Variants in PDE8B observed in about 807,000 individuals in gnomAD.
PDE8B encodes the protein high affinity cAMP-specific and IBMX-insensitive 3',5'-cyclic phosphodiesterase 8B.
Under a neutral mutation model 101.3 loss-of-function variants are expected in PDE8B, and 26 were observed. The observed-to-expected ratio is 0.26, with a 90% CI of 0.19 to 0.36. The LOEUF is 0.36. Ranked by LOEUF, PDE8B falls within the 10% of genes least tolerant of loss-of-function variation. PDE8B has a pLI of 1.00. For missense variants in PDE8B, 810 were observed against 1,163.1 expected, an observed-to-expected ratio of 0.70 and a Z score of 4.42; for synonymous variants, 424 against 429.3, an observed-to-expected ratio of 0.99 and a Z score of 0.15.
chr5:77,413,087 A>G (rs1233155110), intron 16 of PDE8B, 24 bp from the exon 17 acceptor site: 2 of 1,599,158 alleles, frequency 1.3e-6, no homozygotes, highest in African/African-American at 1.3e-5. Flanking sequence ...ACAATGAGCC[A>G]GGGTGGGTTT....
intron 1 of PDE8B, among the ~76,000 whole-genome samples, chr5:77,234,093 C>A (rs1187627055): frequency 6.6e-6 from 1 of 152,154 alleles, no homozygotes; most frequent in Non-Finnish European, 1.5e-5. Flanking sequence ...AGGAGGATTC[C>A]ATCTGGCAGC....
At chr5:77,345,822 G>T (rs1780047580) in intron 7 of PDE8B, among the ~76,000 whole-genome samples, 1 of 152,186 alleles carries the variant, frequency 6.6e-6, no homozygotes, top group Non-Finnish European at 1.5e-5. Context: ...TATCAGTAGG[G>T]CACCAAAGAC....
intron 12 of PDE8B, 113 bp from the exon 13 acceptor site, chr5:77,407,268 G>A (rs1327975629): frequency 3.7e-6 from 3 of 805,700 alleles, no homozygotes; most frequent in East Asian, 2.5e-5. Flanking sequence ...GGCTTTTTAG[G>A]TGGGAGGGTG....
At chr5:77,197,193 A>C in the PDE8B span, among the ~76,000 whole-genome samples, 1 of 148,524 alleles carries the variant, frequency 6.7e-6, no homozygotes, top group East Asian at 2.0e-4. Flanking sequence ...GCTCACTTCA[A>C]CTTTCATCTC....
chr5:77,112,939 C>G, the PDE8B span: 2 of 152,112 alleles, frequency 1.3e-5, no homozygotes, highest in Non-Finnish European at 2.9e-5. Flanking sequence ...GAATAAAATA[C>G]CTAGGAATCC....
the PDE8B span, among the ~76,000 whole-genome samples, chr5:77,203,956 C>A: frequency 6.6e-6 from 1 of 151,614 alleles, no homozygotes; most frequent in African/African-American, 2.4e-5. Flanking sequence ...TAGGAAAGCT[C>A]ACACTCATTT....
At chr5:77,170,106 TG>T in the PDE8B span, among the ~76,000 whole-genome samples, 2 of 152,212 alleles carry the variant, frequency 1.3e-5, no homozygotes, top group Non-Finnish European at 1.5e-5. Flanking sequence ...CTAAGAAATC[TG>T]GATGCCGCTT....
chr5:77,278,659 C>T (rs989569620), intron 1 of PDE8B, among the ~76,000 whole-genome samples: 15 of 152,114 alleles, frequency 9.9e-5, no homozygotes, highest in African/African-American at 3.4e-4. Context: ...TTAGTAGAGA[C>T]GGGGTTTCAC....
At chr5:77,118,586 A>G in the PDE8B span, 2 of 391,568 alleles carry the variant, frequency 5.1e-6, no homozygotes, top group Non-Finnish European at 4.5e-6. Flanking sequence ...AGTGCCCTTT[A>G]TGTTTGAACT....
At chr5:77,310,274 G>A (rs1252374582) in intron 1 of PDE8B, among the ~76,000 whole-genome samples, 3 of 152,278 alleles carry the variant, frequency 2.0e-5, no homozygotes, top group African/African-American at 2.4e-5. Flanking sequence ...TTTAATCAGC[G>A]TTCTGGCAGT....
intron 17 of PDE8B, among the ~76,000 whole-genome samples, chr5:77,414,978 T>C (rs1408574608): frequency 6.6e-6 from 1 of 152,234 alleles, no homozygotes; most frequent in Non-Finnish European, 1.5e-5. Context: ...TTTCTTTAAA[T>C]TGTGAGTTCT....
chr5:77,219,468 A>G (rs1750602929), intron 1 of PDE8B, among the ~76,000 whole-genome samples: 1 of 152,176 alleles, frequency 6.6e-6, no homozygotes, highest in Non-Finnish European at 1.5e-5. Flanking sequence ...ATATGAAGAA[A>G]AAGATGCCGT....
chr5:77,328,905 T>A (rs1776576538), intron 3 of PDE8B, 93 bp from the exon 4 acceptor site: 1 of 926,902 alleles, frequency 1.1e-6, no homozygotes, highest in Non-Finnish European at 1.8e-6. Context: ...AAAGATTTGA[T>A]GTTGTATCAT....
rs1342271053 is a variant in PDE8B at position 77,418,381 on chromosome 5, C to T, written c.2064C>T (p.His688=). Residue 688 remains histidine (H), a synonymous_variant, in exon 18 of 22, where the codon CAC becomes CAT. Transcript: ENST00000264917. ...ACACTGCTGTTCTGGAGAGTCACCA[C>T]ACCGCCCTGGCCTTCCAGCTCACGG... ...YNDTAVLESH[H]TALAFQLTVK... is the part of the protein sequence containing the mutation. 3 of 1,614,138 alleles carry T rather than the reference C, an allele frequency of 1.9e-6. No individual in the cohort carries two copies. The highest frequency in any genetic ancestry group is 4.5e-5 in the East Asian group (2 of 44,882).
the PDE8B span, among the ~76,000 whole-genome samples, chr5:77,205,404 A>C: frequency 1.3e-5 from 2 of 152,322 alleles, no homozygotes; most frequent in African/African-American, 4.8e-5. Flanking sequence ...TTTCACCATG[A>C]AAGTGGCTTC....
chr5:77,200,238 A>G, the PDE8B span, among the ~76,000 whole-genome samples: 1 of 152,194 alleles, frequency 6.6e-6, no homozygotes, highest in Non-Finnish European at 1.5e-5. Context: ...TTTAAGTTGT[A>G]GAAGAAGAAT....
chr5:77,115,704 C>T, the PDE8B span, among the ~76,000 whole-genome samples: 2 of 152,148 alleles, frequency 1.3e-5, no homozygotes, highest in African/African-American at 2.4e-5. Flanking sequence ...GGTGGTGGCA[C>T]AGCAGAAGGA....
At chr5:77,237,011 CTTT>C (rs927809677) in intron 1 of PDE8B, among the ~76,000 whole-genome samples, 1 of 152,114 alleles carries the variant, frequency 6.6e-6, no homozygotes, top group Admixed American at 6.6e-5. Context: ...GGTGAATTGA[CTTT>C]TTTATGATTA....
chr5:77,428,123 T>C lies in PDE8B; in HGVS notation c.*1569T>C, dbSNP rs1166817692. 6.6e-6 allele frequency: 1 copy of C among 152,226 alleles called. No individual in the cohort carries two copies. Among genetic ancestry groups the C allele is most frequent in the Non-Finnish European group, 1.5e-5 (1 of 68,032 alleles). The allele number at this position is 152,226 out of a possible 1,614,324, so 9.4% of individuals were successfully genotyped here. On this transcript the variant is annotated 3_prime_UTR_variant, in exon 22 of 22. Coordinates refer to ENST00000264917, the MANE Select transcript of PDE8B (RefSeq NM_003719.5). ...GTCAGGACAGCAGCCAGCTTTGTATTGTAATGCTATATTATGTAAATGTGA... is the reference window on the plus strand; with the variant it reads ...GTCAGGACAGCAGCCAGCTTTGTATCGTAATGCTATATTATGTAAATGTGA...
Sources: allele counts gnomAD v4.1 joint callset (sites outside exome capture counted in the v4.1 genomes callset), GRCh38; gene constraint gnomAD v4.1.1; transcripts MANE v1.5; gene names NCBI Gene and HGNC (gene_info 2026-07-23, HGNC 2026-07-21).